PDE3A: variants seen among roughly 807,000 people sequenced by gnomAD.
PDE3A encodes the protein phosphodiesterase 3A.
A neutral mutation model predicts 98.3 loss-of-function variants in PDE3A; 43 were observed. The ratio of observed to expected loss-of-function variants is 0.44; its 90% CI spans 0.34 to 0.56. The LOEUF (loss-of-function observed/expected upper bound fraction) is 0.56. PDE3A is among the 20% of genes least tolerant of loss of function. The pLI is 0.01. For missense variants in PDE3A, 1,427 were observed against 1,440.7 expected (o/e 0.99, Z 0.15); for synonymous variants, 663 against 567.9 (o/e 1.17, Z -2.38).
At chr12:20,615,184 G>C (rs570244213) in intron 3 of PDE3A, among the ~76,000 whole-genome samples, 3 of 151,954 alleles carry the variant, frequency 2.0e-5, no homozygotes, top group African/African-American at 7.3e-5. Context: ...AATTACAGGC[G>C]TGAGCCACTG....
At chr12:20,460,283 T>C (rs528325295) in intron 1 of PDE3A, among the ~76,000 whole-genome samples, 1 of 152,356 alleles carries the variant, frequency 6.6e-6, no homozygotes, top group South Asian at 2.1e-4. Context: ...AATAAAGAGT[T>C]TGCACACATT....
chr12:20,561,115 G>C (rs1213373819), intron 2 of PDE3A, among the ~76,000 whole-genome samples: 1 of 151,264 alleles, frequency 6.6e-6, no homozygotes, highest in East Asian at 1.9e-4. Context: ...ACAAAAATTA[G>C]CCAGGAGTGA....
chr12:20,374,629 G>A (rs993401840), intron 1 of PDE3A, among the ~76,000 whole-genome samples: 1 of 151,908 alleles, frequency 6.6e-6, no homozygotes, highest in Non-Finnish European at 1.5e-5. Flanking sequence ...TCTTCAGAGC[G>A]CTAGTTGAAT....
In PDE3A at chr12:20,369,656, G is replaced by C. The variant is rs750940797; in HGVS notation, c.372G>C (p.Ala124=). The change falls in exon 1 of 16, where the codon GCG becomes GCC. Residue 124 remains alanine, a synonymous_variant. Coordinates refer to ENST00000359062, the MANE Select transcript of PDE3A (RefSeq NM_000921.5). ...GGGGAGGTGCTCCCGGGGGCGGTGC[G>C]CGGCTCAGCCCCTGGCTGCAGCCCT... ...GPRGGAPGGG[A]RLSPWLQPSA... 8.1e-6 allele frequency: 13 copies of C among 1,602,572 alleles called. No individual in the cohort carries two copies. Among genetic ancestry groups the C allele is most frequent in the South Asian group, 4.5e-5 (4 of 89,826 alleles).
chr12:20,686,723 A>AT lies in PDE3A; in HGVS notation c.*6453dup, dbSNP rs1386799718. On this transcript the variant is annotated 3_prime_UTR_variant, in exon 16 of 16. Transcript: ENST00000359062. ...TCTTCAATTATACTTCTCTTACTCAATATTAGTAACCAAAAAATAAGCAGA... is the reference window on the plus strand; with the variant it reads ...TCTTCAATTATACTTCTCTTACTCAATTATTAGTAACCAAAAAATAAGCAGA... Among the ~76,000 whole-genome samples, 1 of 152,144 alleles carries AT rather than the reference A, an allele frequency of 6.6e-6. No homozygotes were observed. Among genetic ancestry groups the AT allele is most frequent in the Non-Finnish European group, 1.5e-5 (1 of 68,000 alleles).
chr12:20,511,481 C>G (rs931348716), intron 1 of PDE3A, among the ~76,000 whole-genome samples: 5 of 151,788 alleles, frequency 3.3e-5, no homozygotes, highest in African/African-American at 7.3e-5. Context: ...CAGTTGGACA[C>G]AGGAGCCAAC....
intron 1 of PDE3A, among the ~76,000 whole-genome samples, chr12:20,419,158 C>G (rs919696100): frequency 6.6e-6 from 1 of 152,158 alleles, no homozygotes; most frequent in Non-Finnish European, 1.5e-5. Context: ...TTTTAAAAAT[C>G]TTAGAGCAGT....
chr12:20,559,299 C>G (rs1438284924), intron 2 of PDE3A, among the ~76,000 whole-genome samples: 5 of 151,912 alleles, frequency 3.3e-5, no homozygotes, highest in African/African-American at 1.2e-4. Flanking sequence ...GCTATACCAT[C>G]TGGTTTGTGT....
At chr12:20,446,096 G>T (rs1025280006) in intron 1 of PDE3A, among the ~76,000 whole-genome samples, 7 of 151,992 alleles carry the variant, frequency 4.6e-5, no homozygotes, top group Non-Finnish European at 7.4e-5. Flanking sequence ...TTTTCCCTTC[G>T]CCCTTTCTCC....
intron 1 of PDE3A, among the ~76,000 whole-genome samples, chr12:20,420,025 A>T (rs1383748257): frequency 6.6e-6 from 1 of 152,186 alleles, no homozygotes; most frequent in South Asian, 2.1e-4. Flanking sequence ...ATCGAATATC[A>T]TTAAAAAGAA....
rs1943436662 is a variant in PDE3A, at chr12:20,370,057, T to G, written c.773T>G (p.Ile258Ser). 6.2e-7 allele frequency: 1 copy of G among 1,612,592 alleles called. No homozygotes were observed. Among genetic ancestry groups the G allele is most frequent in the African/African-American group, 1.3e-5 (1 of 74,960 alleles). Residue 258 changes from isoleucine (I) to serine (S), a missense_variant, in exon 1 of 16, where the codon ATC (isoleucine) becomes AGC (serine). Physicochemically the swap from Ile to Ser is moderately radical, Grantham distance 142. Transcript: ENST00000359062. The stretch of plus-strand genomic sequence containing the variant: ...CTCTTGGCCAGGTACGTGGAACAAA[T>G]CTTGCCGCAGTCCGCGGAGGCGGCT... ...GILLARYVEQ[I>S]LPQSAEAAPR...
Position 20,613,472 on chromosome 12 carries a change from C to A in PDE3A, c.1041C>A (p.Ile347=), listed in dbSNP as rs183095448. The change falls in exon 3 of 16, where the codon ATC becomes ATA. Residue 347 remains isoleucine (I), a synonymous_variant. Transcript: ENST00000359062. The part of the protein sequence containing the change: ...QSSGTSITVD[I]AVMGEAHGLI... ...CAGGAACCAGTATTACTGTGGACAT[C>A]GCCGTCATGGGCGAGGCCCACGGCC... The A allele has an allele frequency of 1.6e-5, 26 of 1,614,020 alleles. No individual in the cohort carries two copies. The highest frequency in any genetic ancestry group is 1.3e-4 in the Admixed American group (8 of 60,020).
At chr12:20,551,973 C>T (rs1253417122) in intron 1 of PDE3A, 3 of 1,612,728 alleles carry the variant, frequency 1.9e-6, no homozygotes, top group Non-Finnish European at 8.5e-7. Flanking sequence ...ACGTGGCTGG[C>T]ATCCATGGCC....
chr12:20,650,825 G>T (rs2121517967), intron 14 of PDE3A, among the ~76,000 whole-genome samples: 1 of 151,164 alleles, frequency 6.6e-6, no homozygotes, highest in African/African-American at 2.5e-5. Flanking sequence ...CAAGCATTTG[G>T]GGGAAGAAGA....
At chr12:20,654,280 T>C (rs2121520020) in intron 15 of PDE3A, 75 bp downstream of exon 15, 1 of 1,384,324 alleles carries the variant, frequency 7.2e-7, no homozygotes, top group Non-Finnish European at 1.0e-6. Flanking sequence ...TTATGCTTCT[T>C]ATGAAATACA....
At position 20,639,893 on chromosome 12, in the gene PDE3A, A is replaced by G; in HGVS notation, c.2187A>G (p.Lys729=). 1 of 1,586,952 alleles carries G rather than the reference A, an allele frequency of 6.3e-7. No individual in the cohort carries two copies. Among genetic ancestry groups the G allele is most frequent in the South Asian group, 1.1e-5 (1 of 90,448 alleles). The change falls in exon 10 of 16, where the codon AAA becomes AAG. Residue 729 remains lysine, a synonymous_variant. Transcript: ENST00000359062. Reference sequence around the variant, plus strand: ...ACATGGGCCTCTTTGAAGCTTTTAAAATTCCAATTAGGGAATTTATGAATT... The same window carrying G: ...ACATGGGCCTCTTTGAAGCTTTTAAGATTCCAATTAGGGAATTTATGAATT... ...FEDMGLFEAF[K]IPIREFMNYF...
At chr12:20,596,972 G>A (rs1001724920) in intron 2 of PDE3A, among the ~76,000 whole-genome samples, 1 of 152,232 alleles carries the variant, frequency 6.6e-6, no homozygotes, top group South Asian at 2.1e-4. Flanking sequence ...ATTTAGCATT[G>A]TGAATAGCGT....
chr12:20,576,568 C>T (rs1942936935), intron 2 of PDE3A, among the ~76,000 whole-genome samples: 1 of 152,058 alleles, frequency 6.6e-6, no homozygotes, highest in Admixed American at 6.6e-5. Flanking sequence ...CTTGGTCTTA[C>T]ATGATGTGAA....
At chr12:20,642,586 C>T (rs1178414116) in intron 10 of PDE3A, among the ~76,000 whole-genome samples, 1 of 152,184 alleles carries the variant, frequency 6.6e-6, no homozygotes, top group African/African-American at 2.4e-5. Flanking sequence ...AGTTTCCTCT[C>T]TAAAGCATAT....
Sources: allele counts gnomAD v4.1 joint callset (sites outside exome capture counted in the v4.1 genomes callset), GRCh38; gene constraint gnomAD v4.1.1; transcripts MANE v1.5; gene names NCBI Gene and HGNC (gene_info 2026-07-23, HGNC 2026-07-21).